PRKN: variants seen among roughly 807,000 people sequenced by gnomAD.
The protein encoded by PRKN is parkin RBR E3 ubiquitin protein ligase, also known as E3 ubiquitin-protein ligase parkin.
A neutral mutation model predicts 59.5 loss-of-function variants in PRKN; 56 were observed. The ratio of observed to expected loss-of-function variants is 0.94; its 90% confidence interval spans 0.76 to 1.18. The LOEUF is 1.18. Among genes scored for constraint, PRKN ranks in the 50% most tolerant of loss-of-function variants. PRKN has a pLI of 0.00. For synonymous variants in PRKN, 250 were observed against 222.1 expected (o/e 1.13, Z -1.12); for missense variants, 657 against 596.4 (o/e 1.10, Z -1.06).
At chr6:161,364,168 CAAAAAAAAAAA>C (rs71004043) in intron 10 of PRKN, among the ~76,000 whole-genome samples, 2 of 74,452 alleles carry the variant, frequency 2.7e-5, no homozygotes, top group South Asian at 6.3e-4. Flanking sequence ...GACTCCGTCT[CAAAAAAAAAAA>C]AAAAAAAAGA....
rs1419097554 is a variant in PRKN, at chr6:161,353,765, G to T, written c.1286-3554C>A. ...GTCGATCAGAACTTCCGGAAGCCCA[G>T]ACTTGAGACCGGTGAGTGGCAGTCC... is the stretch of plus-strand genomic sequence containing the variant. On this transcript the variant is annotated intron_variant, in intron 11 of 11. Transcript: ENST00000366898. This position sits in a 1 kb window ranked among gnomAD's most constrained non-coding sequence, Gnocchi z 4.8. 5.9e-5 allele frequency among the ~76,000 whole-genome samples: 9 copies of T among 152,192 alleles called. No individual in the cohort carries two copies. Among genetic ancestry groups the T allele is most frequent in the Admixed American group, 5.9e-4 (9 of 15,270 alleles).
intron 4 of PRKN, among the ~76,000 whole-genome samples, chr6:162,111,618 A>G (rs1780443362): frequency 6.6e-6 from 1 of 152,150 alleles, no homozygotes; most frequent in South Asian, 2.1e-4. Context: ...GAAGGAAGGC[A>G]AGTGGGTCAA....
intron 1 of PRKN, among the ~76,000 whole-genome samples, chr6:162,556,592 C>T (rs1201059163): frequency 6.6e-6 from 1 of 151,430 alleles, no homozygotes; most frequent in East Asian, 1.9e-4. Context: ...ACTAAAAATA[C>T]AGAAATTAGC....
chr6:161,975,136 A>G (rs1240285963), intron 5 of PRKN, among the ~76,000 whole-genome samples: 1 of 129,918 alleles, frequency 7.7e-6, no homozygotes, highest in Non-Finnish European at 1.5e-5. Flanking sequence ...TCCAGGCTGG[A>G]GTGCAGTGGC....
chr6:161,411,892 TTCATTCCTCCACTCAC>T lies in PRKN; in HGVS notation c.1084-25031_1084-25016del, dbSNP rs1446695061. On this transcript the variant is annotated intron_variant, in intron 9 of 11. Transcript: ENST00000366898. ...TCCTTCTTCATTCATTCCTTCCTCA[TTCATTCCTCCACTCAC>T]TCATTCCTCCACTCACTCACTCCTC... Among the ~76,000 whole-genome samples, 6 of 129,338 alleles carry T rather than the reference TTCATTCCTCCACTCAC, an allele frequency of 4.6e-5. 1 individual carries two copies. The highest frequency in any genetic ancestry group is 1.2e-4 in the African/African-American group (4 of 33,336). The allele number at this position is 129,338 out of a possible 152,430, so 84.9% of individuals were successfully genotyped here. A position where few individuals can be genotyped will look rare whatever the true frequency, so the allele number is the denominator to read the frequency against.
chr6:161,931,424 G>A (rs1779167392), intron 6 of PRKN, among the ~76,000 whole-genome samples: 1 of 152,110 alleles, frequency 6.6e-6, no homozygotes, highest in African/African-American at 2.4e-5. Flanking sequence ...CAGTCCAGTA[G>A]ACATGGCACC....
chr6:161,757,503 A>C (rs1023977402), intron 7 of PRKN, among the ~76,000 whole-genome samples: 1 of 152,126 alleles, frequency 6.6e-6, no homozygotes, highest in Admixed American at 6.6e-5. Flanking sequence ...TTTAACAGGC[A>C]CTTCACCAAA....
At chr6:161,435,775 AT>A (rs1018877260) in intron 9 of PRKN, among the ~76,000 whole-genome samples, 6 of 144,614 alleles carry the variant, frequency 4.1e-5, no homozygotes, top group Admixed American at 2.1e-4. Flanking sequence ...TTATTTCTGG[AT>A]TTTTTTTTCC....
At position 162,154,651 on chromosome 6, in the gene PRKN, A is replaced by G. The variant is rs1257386292; in HGVS notation, c.534+46480T>C. ...ATTTGCCTTGGTACTAGTCACTACC[A>G]TTAAATTTAGACAGTCTAAAATAAT... On this transcript the variant is annotated intron_variant, in intron 4 of 11. Coordinates refer to ENST00000366898, the MANE Select transcript of PRKN (RefSeq NM_004562.3). 4.6e-5 allele frequency among the ~76,000 whole-genome samples: 7 copies of G among 152,210 alleles called. No homozygotes were observed. In the East Asian group the frequency reaches 1.3e-3, roughly 29 times the overall value.
intron 6 of PRKN, among the ~76,000 whole-genome samples, chr6:161,874,657 T>C (rs187275587): frequency 0.022 from 30 of 1,368 alleles, 1 homozygote; most frequent in African/African-American, 0.05. Flanking sequence ...ATAAAATGTA[T>C]AATAAAATAT....
chr6:161,735,782 G>C (rs1011789308), intron 7 of PRKN, among the ~76,000 whole-genome samples: 7 of 152,094 alleles, frequency 4.6e-5, no homozygotes, highest in Non-Finnish European at 1.0e-4. Flanking sequence ...GGGTGTGATG[G>C]AGGGCGCCTG....
At chr6:161,880,772 T>G (rs1298075046) in intron 6 of PRKN, among the ~76,000 whole-genome samples, 4 of 151,996 alleles carry the variant, frequency 2.6e-5, no homozygotes, top group African/African-American at 9.7e-5. Flanking sequence ...CATTGAAGAG[T>G]CGGTGGTGAC....
At chr6:161,815,461 C>G (rs1278508615) in intron 6 of PRKN, among the ~76,000 whole-genome samples, 1 of 152,164 alleles carries the variant, frequency 6.6e-6, no homozygotes. Flanking sequence ...ATCCTAATAT[C>G]CAACTTGGTC....
chr6:161,430,167 T>C (rs558323844), intron 9 of PRKN, among the ~76,000 whole-genome samples: 1 of 152,302 alleles, frequency 6.6e-6, no homozygotes, highest in East Asian at 1.9e-4. Flanking sequence ...ATTGTCTTTG[T>C]TATAAGCAAA....
chr6:161,993,386 A>C (rs1177209833), intron 5 of PRKN, among the ~76,000 whole-genome samples: 1 of 152,170 alleles, frequency 6.6e-6, no homozygotes, highest in African/African-American at 2.4e-5. Flanking sequence ...ACAACCTACC[A>C]AGAATGAAGT....
intron 4 of PRKN, among the ~76,000 whole-genome samples, chr6:162,126,323 T>C (rs1442931939): frequency 6.6e-6 from 1 of 152,164 alleles, no homozygotes; most frequent in Non-Finnish European, 1.5e-5. Context: ...ACTCATGAAA[T>C]AGATGATGCA....
At chr6:162,538,651 C>T (rs892125381) in intron 1 of PRKN, among the ~76,000 whole-genome samples, 4 of 152,036 alleles carry the variant, frequency 2.6e-5, no homozygotes, top group South Asian at 4.1e-4. Context: ...GCAACGACCG[C>T]GTGTGGGAAG....
intron 2 of PRKN, among the ~76,000 whole-genome samples, chr6:162,295,353 C>T (rs1317753688): frequency 2.0e-5 from 3 of 152,120 alleles, no homozygotes; most frequent in South Asian, 2.1e-4. Context: ...AAACTTTTTA[C>T]TCGATTGCCT....
At chr6:161,380,760 G>T (rs1182816343) in intron 10 of PRKN, among the ~76,000 whole-genome samples, 1 of 152,168 alleles carries the variant, frequency 6.6e-6, no homozygotes, top group Non-Finnish European at 1.5e-5. Context: ...TTAAAAAAAT[G>T]TTAATTCTCA....
Sources: allele counts gnomAD v4.1 joint callset (sites outside exome capture counted in the v4.1 genomes callset), GRCh38; gene constraint gnomAD v4.1.1; non-coding constraint Gnocchi (gnomAD v3.1); transcripts MANE v1.5; gene names NCBI Gene and HGNC (gene_info 2026-07-23, HGNC 2026-07-21).